ST6GAL1: variants seen among roughly 807,000 people sequenced by gnomAD.
The protein encoded by ST6GAL1 is beta-galactoside alpha-2,6-sialyltransferase 1.
Under a neutral mutation model 38.0 loss-of-function variants are expected in ST6GAL1, and 20 were observed. That is an observed-to-expected ratio of 0.53 (90% confidence interval 0.37 to 0.77). ST6GAL1 has a LOEUF of 0.77. ST6GAL1 is among the 30% of genes least tolerant of loss of function. ST6GAL1 has a pLI of 0.00. For synonymous variants in ST6GAL1, 196 were observed against 188.2 expected, an observed-to-expected ratio of 1.04 and a Z score of -0.34; for missense variants, 432 against 496.4, an observed-to-expected ratio of 0.87 and a Z score of 1.23.
chr3:187,074,958 T>C (rs1171860962), intron 7 of ST6GAL1, among the ~76,000 whole-genome samples: 1 of 152,204 alleles, frequency 6.6e-6, no homozygotes, highest in African/African-American at 2.4e-5. Context: ...GTGCAGAGTT[T>C]ATTGGAACAA....
chr3:186,983,623 G>A (rs1715765403), intron 2 of ST6GAL1, among the ~76,000 whole-genome samples: 2 of 152,104 alleles, frequency 1.3e-5, no homozygotes, highest in South Asian at 2.1e-4. Flanking sequence ...GAGAGGAAGG[G>A]AGGGGATTAT....
At chr3:187,033,082 A>G (rs1717807368) in intron 2 of ST6GAL1, among the ~76,000 whole-genome samples, 1 of 152,230 alleles carries the variant, frequency 6.6e-6, no homozygotes, top group South Asian at 2.1e-4. Context: ...TGCCCCCAAG[A>G]GTTTTGCCTT....
At chr3:186,957,142 C>G (rs1714772382) in intron 1 of ST6GAL1, among the ~76,000 whole-genome samples, 1 of 151,996 alleles carries the variant, frequency 6.6e-6, no homozygotes, top group Admixed American at 6.6e-5. Context: ...TGCAGAAAGT[C>G]AAAGAAAGAA....
At chr3:186,966,302 T>C (rs543638056) in intron 2 of ST6GAL1, among the ~76,000 whole-genome samples, 2 of 152,350 alleles carry the variant, frequency 1.3e-5, no homozygotes, top group African/African-American at 4.8e-5. Flanking sequence ...GCACAGTGTT[T>C]TGTAATCTGT....
At chr3:187,059,147 G>A (rs1718823438) in intron 5 of ST6GAL1, among the ~76,000 whole-genome samples, 1 of 151,796 alleles carries the variant, frequency 6.6e-6, no homozygotes, top group Non-Finnish European at 1.5e-5. Context: ...CAAGAGTAGT[G>A]TAATGATCAC....
chr3:187,021,184 G>C (rs1221482570), intron 2 of ST6GAL1, among the ~76,000 whole-genome samples: 2 of 151,946 alleles, frequency 1.3e-5, no homozygotes, highest in Non-Finnish European at 2.9e-5. Context: ...GGATGGTCTC[G>C]ATCTCCTGAC....
intron 4 of ST6GAL1, among the ~76,000 whole-genome samples, chr3:187,050,410 C>T (rs1718467016): frequency 6.6e-6 from 1 of 152,154 alleles, no homozygotes; most frequent in Non-Finnish European, 1.5e-5. Flanking sequence ...TCCAAGTCTT[C>T]CAAACACTGC....
intron 2 of ST6GAL1, among the ~76,000 whole-genome samples, chr3:187,025,025 G>GTC (rs1717483547): frequency 1.4e-5 from 2 of 145,420 alleles, no homozygotes; most frequent in East Asian, 2.1e-4. Flanking sequence ...GTGTGTCTGT[G>GTC]TGTGTGTGTC....
intron 7 of ST6GAL1, 46 bp downstream of exon 7, chr3:187,074,379 G>T (rs748407161): frequency 2.7e-6 from 4 of 1,481,550 alleles, no homozygotes; most frequent in East Asian, 5.0e-5. Context: ...GTTTCTAGAA[G>T]AGATGAGCTT....
intron 2 of ST6GAL1, among the ~76,000 whole-genome samples, chr3:187,000,330 A>G (rs534443001): frequency 2.1e-4 from 32 of 151,212 alleles, no homozygotes; most frequent in African/African-American, 7.8e-4. Context: ...TGGGTGGATC[A>G]CCTGAGGTTA....
intron 2 of ST6GAL1, among the ~76,000 whole-genome samples, chr3:187,027,657 A>G (rs1238135135): frequency 6.6e-6 from 1 of 152,090 alleles, no homozygotes; most frequent in Non-Finnish European, 1.5e-5. Flanking sequence ...TTTCTGTAGA[A>G]GCTCACTGAC....
At chr3:187,033,420 A>C (rs1274300302) in intron 2 of ST6GAL1, among the ~76,000 whole-genome samples, 2 of 152,204 alleles carry the variant, frequency 1.3e-5, no homozygotes, top group Non-Finnish European at 2.9e-5. Flanking sequence ...AAAACAAAGA[A>C]TAAAATAATA....
intron 2 of ST6GAL1, among the ~76,000 whole-genome samples, chr3:186,973,412 C>T (rs1181648138): frequency 1.3e-5 from 2 of 152,154 alleles, no homozygotes; most frequent in African/African-American, 4.8e-5. Flanking sequence ...AGGAGGATGA[C>T]ACAGGGGACT....
intron 1 of ST6GAL1, among the ~76,000 whole-genome samples, chr3:186,961,168 G>A (rs918752447): frequency 6.6e-6 from 1 of 152,064 alleles, no homozygotes; most frequent in African/African-American, 2.4e-5. Flanking sequence ...TAGAGACAGG[G>A]TTTCACCATG....
chr3:187,023,891 T>TAA (rs59561414), intron 2 of ST6GAL1, among the ~76,000 whole-genome samples: 8 of 138,408 alleles, frequency 5.8e-5, no homozygotes, highest in Non-Finnish European at 7.9e-5. Flanking sequence ...TAATAATAAT[T>TAA]AAAAAAAAAA....
intron 2 of ST6GAL1, among the ~76,000 whole-genome samples, chr3:186,971,955 C>T (rs1478255632): frequency 6.6e-6 from 1 of 152,204 alleles, no homozygotes; most frequent in Non-Finnish European, 1.5e-5. Flanking sequence ...TCTACTCTTT[C>T]CTCTTACAGA....
rs116721209 is a variant in ST6GAL1, at chr3:187,057,473, G to T, written c.705+6127G>T. Among the ~76,000 whole-genome samples the T allele has an allele frequency of 5.8e-3, 880 of 152,106 alleles. 14 individuals are homozygous for T. The highest frequency in any genetic ancestry group is 0.02 in the African/African-American group (839 of 41,518). ...ACCTTTGGTTTTTGATGATGGTTTT[G>T]GTGTGGATGTCCTTTCTGGTGATGT... On this transcript the variant is annotated intron_variant, in intron 5 of 7. Coordinates refer to ENST00000169298, the MANE Select transcript of ST6GAL1 (RefSeq NM_173216.2).
intron 5 of ST6GAL1, among the ~76,000 whole-genome samples, chr3:187,063,741 C>T (rs911043412): frequency 1.3e-5 from 2 of 152,162 alleles, no homozygotes; most frequent in African/African-American, 4.8e-5. Flanking sequence ...TATTTAAGGC[C>T]AAAGTAAGGT....
chr3:186,951,424 C>A (rs1428789214), intron 1 of ST6GAL1, among the ~76,000 whole-genome samples: 1 of 152,118 alleles, frequency 6.6e-6, no homozygotes, highest in Non-Finnish European at 1.5e-5. Flanking sequence ...TTTTGTTGGT[C>A]CATTGGTTCT....
Sources: allele counts gnomAD v4.1 joint callset (sites outside exome capture counted in the v4.1 genomes callset), GRCh38; gene constraint gnomAD v4.1.1; transcripts MANE v1.5; gene names NCBI Gene and HGNC (gene_info 2026-07-23, HGNC 2026-07-21).